JAKMIP3: variants seen among roughly 807,000 people sequenced by gnomAD.
JAKMIP3 encodes the protein Janus kinase and microtubule interacting protein 3.
A neutral mutation model predicts 118.5 loss-of-function variants in JAKMIP3; 58 were observed. The observed-to-expected ratio is 0.49, with a 90% confidence interval of 0.40 to 0.61. The LOEUF is 0.61. JAKMIP3 is among the 20% of genes least tolerant of loss of function. The pLI is 0.00. For missense variants in JAKMIP3, 950 were observed against 1,109.0 expected, an observed-to-expected ratio of 0.86 and a Z score of 2.04; for synonymous variants, 486 against 451.2, an observed-to-expected ratio of 1.08 and a Z score of -0.98.
chr10:132,180,580 C>CGCGCGT lies in JAKMIP3; in HGVS notation c.*1104-1776_*1104-1775insCGCGTG, dbSNP rs1554962863. ...ATGCGTGTGTGTGCGTGTGTGTGTG[C>CGCGCGT]GTGCGCGTGTGTGTGTGCGTGCGCG... is the stretch of plus-strand genomic sequence containing the variant. On this transcript the variant is annotated intron_variant, in intron 23 of 23. Transcript: ENST00000684848. Among the ~76,000 whole-genome samples, 14 of 12,986 alleles carry CGCGCGT rather than the reference C, an allele frequency of 1.1e-3. 3 individuals carry two copies. Among genetic ancestry groups the CGCGCGT allele is most frequent in the African/African-American group, 2.2e-3 (4 of 1,848 alleles). 8.5% of individuals were successfully genotyped at this position (12,986 alleles called of 152,430 possible).
intron 23 of JAKMIP3, among the ~76,000 whole-genome samples, chr10:132,180,788 T>C (rs62650808): frequency 0.3 from 3,193 of 10,634 alleles, 961 homozygotes; most frequent in Admixed American, 0.43. Flanking sequence ...TGTGTGCGCG[T>C]ATGCATGTGC....
chr10:132,104,813 C>T lies in JAKMIP3; in HGVS notation c.5C>T (p.Ser2Phe), dbSNP rs780777526. Residue 2 changes from serine to phenylalanine, a missense_variant, in exon 2 of 24, where the codon TCC becomes TTC. Physicochemically the swap from Ser to Phe is radical, Grantham distance 155 (BLOSUM62 -2). Transcript: ENST00000684848. MSKRGMSSRAKG... is the reference protein window; with the variant it reads MFKRGMSSRAKG... ...CCCTGGCCATCCAGCCTCACCATGTCCAAGAGGGGCATGAGCAGCCGGGCC... is the reference window on the plus strand; with the variant it reads ...CCCTGGCCATCCAGCCTCACCATGTTCAAGAGGGGCATGAGCAGCCGGGCC... 15 of 1,551,392 alleles carry T rather than the reference C, an allele frequency of 9.7e-6. No individual in the cohort carries two copies. In the Admixed American group the frequency reaches 2.7e-4, roughly 28 times the overall value.
Position 132,184,696 on chromosome 10 carries a change from T to G in JAKMIP3, c.*3443T>G, listed in dbSNP as rs2061711980. 6.6e-6 allele frequency: 1 copy of G among 152,242 alleles called. No homozygotes were observed. The highest frequency in any genetic ancestry group is 1.5e-5 in the Non-Finnish European group (1 of 68,052). The allele number at this position is 152,242 out of a possible 1,614,324, so 9.4% of individuals were successfully genotyped here. On this transcript the variant is annotated 3_prime_UTR_variant, in exon 24 of 24. Transcript: ENST00000684848. ...GGCCTAAAATAGGTTTGTATGGTGA[T>G]CTACAAGATTTTACAAATATTTTTG...
At position 132,138,765 on chromosome 10, in the gene JAKMIP3, C is replaced by G. The variant is rs2052457243; in HGVS notation, c.1344+587C>G. Among the ~76,000 whole-genome samples the G allele has an allele frequency of 2.0e-5, 3 of 152,166 alleles. No homozygotes were observed. In the South Asian group the frequency reaches 6.2e-4, roughly 31 times the overall value. ...CCGAGTCCCCACGACCTGTGGGATG[C>G]ACGGCTCTGAGGACGGGCGGCTGAG... On this transcript the variant is annotated intron_variant, in intron 9 of 23. Transcript: ENST00000684848.
chr10:132,141,075 G>A (rs547895700), intron 10 of JAKMIP3, among the ~76,000 whole-genome samples: 3 of 152,346 alleles, frequency 2.0e-5, no homozygotes, highest in East Asian at 3.9e-4. Context: ...ACCCTCAGGC[G>A]CAGGCAGCCA....
At position 132,117,039 on chromosome 10, in the gene JAKMIP3, G is replaced by T; in HGVS notation, c.136-38G>T. The T allele has an allele frequency of 6.4e-7, 1 of 1,571,434 alleles. No homozygotes were observed. The highest frequency in any genetic ancestry group is 1.2e-5 in the South Asian group (1 of 84,084). On this transcript the variant is annotated intron_variant, in intron 2 of 23. Transcript: ENST00000684848. This position sits in a 1 kb window ranked among gnomAD's most constrained non-coding sequence, Gnocchi z 8.6. ...TCAGGTGTGAGTGTGTGCATGGCTG[G>T]AGCTCCTGCCACACTCAGTCTCGCT...
At position 132,180,542 on chromosome 10, in the gene JAKMIP3, T is replaced by TGTGTGCGTGC. The variant is rs1392970396; in HGVS notation, c.*1104-1812_*1104-1811insTGCGTGCGTG. Among the ~76,000 whole-genome samples the TGTGTGCGTGC allele has an allele frequency of 6.3e-5, 2 of 31,794 alleles. 1 individual carries two copies. Among genetic ancestry groups the TGTGTGCGTGC allele is most frequent in the African/African-American group, 4.6e-4 (2 of 4,316 alleles). The allele number at this position is 31,794 out of a possible 152,430, so 20.9% of individuals were successfully genotyped here. A position where few individuals can be genotyped will look rare whatever the true frequency, so the allele number is the denominator to read the frequency against. On this transcript the variant is annotated intron_variant, in intron 23 of 23. Coordinates refer to ENST00000684848, the MANE Select transcript of JAKMIP3 (RefSeq NM_001323087.2). The stretch of plus-strand genomic sequence containing the variant: ...GCAGAACTGTGTGTGTGTGTGTGTG[T>TGTGTGCGTGC]GTGCGTGCGTGCATGCGTGTGTGTG...
intron 19 of JAKMIP3, among the ~76,000 whole-genome samples, chr10:132,160,156 G>C (rs1197818702): frequency 1.9e-5 from 1 of 53,942 alleles, no homozygotes; most frequent in African/African-American, 6.3e-5. Context: ...CCTGTGTGAT[G>C]CTAGGGGGTC....
intron 22 of JAKMIP3, among the ~76,000 whole-genome samples, 153 bp downstream of exon 22, chr10:132,167,208 C>CCGCGCG (rs57422931): frequency 6.6e-6 from 1 of 152,110 alleles, no homozygotes; most frequent in Non-Finnish European, 1.5e-5. Flanking sequence ...AGAAAGCCAC[C>CCGCGCG]CGCGTCCTTC....
rs2061708360 is a variant in JAKMIP3, at chr10:132,184,631, A to T, written c.*3378A>T. The stretch of plus-strand genomic sequence containing the variant: ...GGCACTCCCTTCATAGTCACCCTCT[A>T]ACCACGTGACATTCCGTTCCATGCT... On this transcript the variant is annotated 3_prime_UTR_variant, in exon 24 of 24. Coordinates refer to ENST00000684848, the MANE Select transcript of JAKMIP3 (RefSeq NM_001323087.2). 6.6e-6 allele frequency: 1 copy of T among 152,162 alleles called. No homozygotes were observed. Among genetic ancestry groups the T allele is most frequent in the East Asian group, 1.9e-4 (1 of 5,200 alleles). 9.4% of individuals were successfully genotyped at this position (152,162 alleles called of 1,614,324 possible). A position where few individuals can be genotyped will look rare whatever the true frequency, so the allele number is the denominator to read the frequency against.
At chr10:132,088,678 G>A (rs1401876452) in intron 1 of JAKMIP3, among the ~76,000 whole-genome samples, 1 of 152,156 alleles carries the variant, frequency 6.6e-6, no homozygotes, top group African/African-American at 2.4e-5. Flanking sequence ...TCTGATGGTA[G>A]TTTCTTTTGC....
At chr10:132,157,968 T>A (rs1234729192) in intron 19 of JAKMIP3, among the ~76,000 whole-genome samples, 1 of 152,058 alleles carries the variant, frequency 6.6e-6, no homozygotes, top group Non-Finnish European at 1.5e-5. Context: ...AAAGAGATTG[T>A]ACAAAAAAAT....
Position 132,117,606 on chromosome 10 carries a change from AGGGTGCAGGGGCGGGCG to A in JAKMIP3, c.633+33_633+49del, listed in dbSNP as rs777294073. 7 of 423,892 alleles carry A rather than the reference AGGGTGCAGGGGCGGGCG, an allele frequency of 1.7e-5. No homozygotes were observed. Among genetic ancestry groups the A allele is most frequent in the African/African-American group, 6.7e-5 (1 of 14,860 alleles). The allele number at this position is 423,892 out of a possible 1,614,324, so 26.3% of individuals were successfully genotyped here. A position where few individuals can be genotyped will look rare whatever the true frequency, so the allele number is the denominator to read the frequency against. ...GGGCAGGCAGGGGCGGGCGTGGGCG[AGGGTGCAGGGGCGGGCG>A]TGGGCGAGGGTGCAGGGGCGGGCGT... On this transcript the variant is annotated intron_variant, in intron 3 of 23. Transcript: ENST00000684848. The surrounding 1 kb of genome is among the most constrained non-coding windows in gnomAD (Gnocchi z 8.6).
At chr10:132,143,142 C>CA (rs2053888404) in intron 11 of JAKMIP3, among the ~76,000 whole-genome samples, 1 of 146,834 alleles carries the variant, frequency 6.8e-6, no homozygotes, top group Non-Finnish European at 1.5e-5. Flanking sequence ...TGTCCTGAGT[C>CA]GGGGTGGGGG....
In JAKMIP3 at chr10:132,126,317, T is replaced by C. The variant is rs1308760643; in HGVS notation, c.634-6995T>C. On this transcript the variant is annotated intron_variant, in intron 3 of 23. Transcript: ENST00000684848. ...TTTGGCAATACTTTTTTTTTTTTTT[T>C]TCCTGGACACGGTCTCGCTCTGTCA... 4.7e-4 allele frequency among the ~76,000 whole-genome samples: 71 copies of C among 151,790 alleles called. 1 individual carries two copies. Among genetic ancestry groups the C allele is most frequent in the Non-Finnish European group, 8.1e-4 (55 of 67,930 alleles).
At chr10:132,046,220 C>T (rs571842679) in intron 1 of JAKMIP3, among the ~76,000 whole-genome samples, 4 of 152,196 alleles carry the variant, frequency 2.6e-5, no homozygotes, top group South Asian at 4.2e-4. Context: ...TCTGGGAGGC[C>T]GAGGCGGGCA....
At chr10:132,167,087 G>A (rs537339368) in intron 22 of JAKMIP3, 32 bp downstream of exon 22, 2 of 1,448,666 alleles carry the variant, frequency 1.4e-6, no homozygotes, top group African/African-American at 2.8e-5. Context: ...CCCAGCAGGG[G>A]TCCCGCTCTG....
upstream of JAKMIP3, among the ~76,000 whole-genome samples, chr10:132,064,736 A>G (rs1383073192): frequency 6.6e-6 from 1 of 152,128 alleles, no homozygotes; most frequent in African/African-American, 2.4e-5. This position sits in a 1 kb window ranked among gnomAD's most constrained non-coding sequence, Gnocchi z 4.4. Context: ...TAATCAGGAC[A>G]ATTTTTTGCT....
At position 132,166,968 on chromosome 10, in the gene JAKMIP3, C is replaced by T. The variant is rs1204682359; in HGVS notation, c.2491-15C>T. On this transcript the variant is annotated splice_polypyrimidine_tract_variant and intron_variant, in intron 21 of 23. Transcript: ENST00000684848. ...TCTTTCCTTCCGTTTCTCCATCCTC[C>T]CCTTTCCGTTTCAGTTTCTATTTTT... The T allele has an allele frequency of 2.6e-6, 4 of 1,519,840 alleles. No individual in the cohort carries two copies. Among genetic ancestry groups the T allele is most frequent in the Non-Finnish European group, 3.6e-6 (4 of 1,118,446 alleles). 94.1% of individuals were successfully genotyped at this position (1,519,840 alleles called of 1,614,324 possible).
Sources: gnomAD v4.1 joint callset for allele counts (sites outside exome capture counted in the v4.1 genomes callset) on GRCh38, gnomAD v4.1.1 for gene constraint, Gnocchi (gnomAD v3.1) non-coding constraint, MANE v1.5 for transcripts, NCBI Gene and HGNC (gene_info 2026-07-23, HGNC 2026-07-21) for gene names.